The following ANO2 variants were observed in gnomAD, a reference collection of about 807,000 sequenced individuals.
ANO2 encodes anoctamin 2.
In ANO2, 101 loss-of-function variants were observed where a neutral mutation model predicts 124.2. The ratio of observed to expected loss-of-function variants is 0.81; its 90% CI spans 0.69 to 0.96. The LOEUF is 0.96. Among genes scored for constraint, ANO2 ranks in the 40% least tolerant of loss-of-function variants. The probability of loss-of-function intolerance (pLI) is 0.00; values close to 1 mark genes in which losing one functional copy is unlikely to be tolerated. For missense variants in ANO2, 1,293 were observed against 1,274.5 expected, an observed-to-expected ratio of 1.01 and a Z score of -0.22; for synonymous variants, 486 against 482.5, an observed-to-expected ratio of 1.01 and a Z score of -0.09.
At chr12:5,716,077 T>C (rs1166962935) in intron 14 of ANO2, among the ~76,000 whole-genome samples, 2 of 152,250 alleles carry the variant, frequency 1.3e-5, no homozygotes, top group African/African-American at 2.4e-5. Context: ...AAAAGGGTTA[T>C]AGTGGTCTGC....
At chr12:5,626,279 G>GC (rs1365662607) in intron 16 of ANO2, among the ~76,000 whole-genome samples, 2 of 152,118 alleles carry the variant, frequency 1.3e-5, no homozygotes, top group African/African-American at 4.8e-5. Context: ...GAGAGCAGGG[G>GC]CCCTTGCTAT....
At chr12:5,759,487 C>T (rs1162750401) in intron 10 of ANO2, among the ~76,000 whole-genome samples, 4 of 151,878 alleles carry the variant, frequency 2.6e-5, no homozygotes, top group Non-Finnish European at 5.9e-5. Flanking sequence ...CCAGGCCACA[C>T]AGCAGGAGGT....
At chr12:5,614,223 G>A (rs989250431) in intron 17 of ANO2, among the ~76,000 whole-genome samples, 1 of 152,182 alleles carries the variant, frequency 6.6e-6, no homozygotes, top group African/African-American at 2.4e-5. Context: ...ACTGGCCTTT[G>A]TCCCCGATTC....
At chr12:5,932,749 G>A (rs1942470467) in intron 1 of ANO2, among the ~76,000 whole-genome samples, 1 of 152,214 alleles carries the variant, frequency 6.6e-6, no homozygotes, top group Admixed American at 6.5e-5. Flanking sequence ...GACTAGTGAG[G>A]AAGGAAGACT....
chr12:5,870,874 A>C (rs1257116340), intron 3 of ANO2, among the ~76,000 whole-genome samples: 1 of 152,260 alleles, frequency 6.6e-6, no homozygotes, highest in Admixed American at 6.5e-5. Flanking sequence ...CATGCACTGC[A>C]CAAAGGTGCT....
intron 14 of ANO2, among the ~76,000 whole-genome samples, chr12:5,664,953 G>A (rs1255589755): frequency 6.6e-6 from 1 of 152,122 alleles, no homozygotes; most frequent in Non-Finnish European, 1.5e-5. Flanking sequence ...ACAGTTGGAA[G>A]AGTTCCTTTA....
chr12:5,849,142 C>T (rs138074480), intron 4 of ANO2, among the ~76,000 whole-genome samples: 352 of 152,316 alleles, frequency 2.3e-3, no homozygotes, highest in African/African-American at 7.5e-3. Flanking sequence ...GAGACCCCTT[C>T]AATATCAGTC....
intron 20 of ANO2, 62 bp downstream of exon 20, chr12:5,599,422 C>G (rs1943818636): frequency 6.5e-7 from 1 of 1,533,544 alleles, no homozygotes; most frequent in Non-Finnish European, 8.7e-7. Context: ...CTTCCCCCTT[C>G]AACCCCACAG....
Position 5,908,645 on chromosome 12 carries a change from C to T in ANO2, c.534+12395G>A, listed in dbSNP as rs866218938. ...ATAAATGGCAATTTCCATGAATCATCATGGAACCCTCTGACTTTAGCTAAG... is the reference window on the plus strand; with the variant it reads ...ATAAATGGCAATTTCCATGAATCATTATGGAACCCTCTGACTTTAGCTAAG... On this transcript the variant is annotated intron_variant, in intron 3 of 24. Coordinates refer to ENST00000682330, the MANE Select transcript of ANO2 (RefSeq NM_001364791.2). The surrounding 1 kb of genome is among the most constrained non-coding windows in gnomAD (Gnocchi z 4.7). 2.0e-5 allele frequency among the ~76,000 whole-genome samples: 3 copies of T among 152,218 alleles called. No individual in the cohort carries two copies. Among genetic ancestry groups the T allele is most frequent in the African/African-American group, 7.2e-5 (3 of 41,458 alleles).
chr12:5,783,457 G>A (rs761399219), intron 10 of ANO2, among the ~76,000 whole-genome samples: 4 of 152,110 alleles, frequency 2.6e-5, no homozygotes, highest in African/African-American at 7.2e-5. Flanking sequence ...TACCCCTAGG[G>A]GAACGGGGAA....
intron 19 of ANO2, among the ~76,000 whole-genome samples, chr12:5,609,984 T>A (rs1327186587): frequency 7.1e-6 from 1 of 141,634 alleles, no homozygotes; most frequent in African/African-American, 2.6e-5. Context: ...AATATATGCA[T>A]TTATATATTT....
At chr12:5,881,080 G>A (rs1486542782) in intron 3 of ANO2, among the ~76,000 whole-genome samples, 2 of 152,136 alleles carry the variant, frequency 1.3e-5, no homozygotes, top group Non-Finnish European at 2.9e-5. Context: ...ATCCCTTCCA[G>A]AATAAGTTGT....
At chr12:5,621,174 G>A (rs576576061) in intron 16 of ANO2, among the ~76,000 whole-genome samples, 9 of 152,186 alleles carry the variant, frequency 5.9e-5, no homozygotes, top group East Asian at 3.9e-4. Context: ...CCCCACCCCC[G>A]CATACAGTTT....
intron 24 of ANO2, 148 bp from the exon 25 acceptor site, chr12:5,563,716 T>C: frequency 1.9e-6 from 2 of 1,074,264 alleles, no homozygotes; most frequent in South Asian, 3.1e-5. Flanking sequence ...TCTACCTTGG[T>C]GTCCTCACCC....
intron 6 of ANO2, among the ~76,000 whole-genome samples, chr12:5,829,440 G>T (rs1352909356): frequency 6.6e-6 from 1 of 152,208 alleles, no homozygotes; most frequent in African/African-American, 2.4e-5. Flanking sequence ...CATCCTGCAA[G>T]TAAGAGTTAA....
At chr12:5,856,492 A>C (rs1452818284) in intron 3 of ANO2, 1 of 152,122 alleles carries the variant, frequency 6.6e-6, no homozygotes, top group East Asian at 1.9e-4. Context: ...CATTAAGACC[A>C]CATCTCCCTT....
In ANO2 at chr12:5,921,291, T is replaced by C; in HGVS notation, c.283A>G (p.Ser95Gly). The change falls in exon 3 of 25, where the codon AGT (serine) becomes GGT (glycine). Residue 95 changes from serine (S) to glycine (G), a missense_variant. Transcript: ENST00000682330. ...ARLSRMHFHD[S>G]QRKVDYVLAY... ...AGTACATAGTCGACCTTCCTCTGAC[T>C]GTCATGGAAGTGCATGCGGCTAAGA... is the stretch of plus-strand genomic sequence containing the variant. The C allele has an allele frequency of 1.9e-6, 3 of 1,613,978 alleles. No homozygotes were observed. The highest frequency in any genetic ancestry group is 2.5e-6 in the Non-Finnish European group (3 of 1,179,888).
intron 3 of ANO2, among the ~76,000 whole-genome samples, chr12:5,884,480 G>C (rs1196812369): frequency 6.6e-6 from 1 of 152,248 alleles, no homozygotes; most frequent in Non-Finnish European, 1.5e-5. Flanking sequence ...AAGGTGGCCT[G>C]AAGGCAGGAT....
intron 14 of ANO2, among the ~76,000 whole-genome samples, chr12:5,648,005 T>C (rs901104342): frequency 2.0e-5 from 3 of 152,218 alleles, no homozygotes; most frequent in African/African-American, 7.2e-5. Context: ...CTGGAAAAAC[T>C]ACAGTGAAAA....
Sources: allele counts gnomAD v4.1 joint callset (sites outside exome capture counted in the v4.1 genomes callset), GRCh38; gene constraint gnomAD v4.1.1; non-coding constraint Gnocchi (gnomAD v3.1); transcripts MANE v1.5; gene names NCBI Gene and HGNC (gene_info 2026-07-23, HGNC 2026-07-21).